Variants in ST6GALNAC3 observed in about 807,000 individuals in gnomAD.
ST6GALNAC3 encodes alpha-N-acetylgalactosaminide alpha-2,6-sialyltransferase 3.
In ST6GALNAC3, 25 loss-of-function variants were observed where a neutral mutation model predicts 32.7. The ratio of observed to expected loss-of-function variants is 0.76; its 90% CI spans 0.56 to 1.07. ST6GALNAC3 has a LOEUF of 1.07. Among genes scored for constraint, ST6GALNAC3 ranks in the 50% least tolerant of loss-of-function variants. The probability of loss-of-function intolerance (pLI) is 0.00; values close to 1 mark genes in which losing one functional copy is unlikely to be tolerated. For missense variants in ST6GALNAC3, 355 were observed against 382.4 expected, an observed-to-expected ratio of 0.93 and a Z score of 0.60; for synonymous variants, 129 against 133.1, an observed-to-expected ratio of 0.97 and a Z score of 0.21.
chr1:76,341,609 C>CTT (rs1647983857), intron 2 of ST6GALNAC3, among the ~76,000 whole-genome samples: 1 of 58,220 alleles, frequency 1.7e-5, no homozygotes, highest in Admixed American at 1.6e-4. Flanking sequence ...AACTGCTTTT[C>CTT]TTTCTTTCTT....
chr1:76,156,738 G>A (rs2100355272), intron 1 of ST6GALNAC3, among the ~76,000 whole-genome samples: 1 of 152,210 alleles, frequency 6.6e-6, no homozygotes, highest in African/African-American at 2.4e-5. Context: ...AAAAAGCCCT[G>A]GCCTTTTTTT....
chr1:76,611,173 C>T (rs1286794110), intron 3 of ST6GALNAC3, among the ~76,000 whole-genome samples: 1 of 151,998 alleles, frequency 6.6e-6, no homozygotes, highest in Non-Finnish European at 1.5e-5. Context: ...TTTTTAACCT[C>T]TCCTTATCCT....
At chr1:76,618,051 C>A (rs1648408148) in intron 3 of ST6GALNAC3, among the ~76,000 whole-genome samples, 1 of 152,160 alleles carries the variant, frequency 6.6e-6, no homozygotes, top group Admixed American at 6.6e-5. Context: ...ACTAAAAATA[C>A]AACTGCACAT....
At chr1:76,116,096 G>A (rs761976226) in intron 1 of ST6GALNAC3, among the ~76,000 whole-genome samples, 1 of 152,184 alleles carries the variant, frequency 6.6e-6, no homozygotes, top group Non-Finnish European at 1.5e-5. Flanking sequence ...TGTGGACAGA[G>A]TGTCCTGAGG....
intron 1 of ST6GALNAC3, among the ~76,000 whole-genome samples, chr1:76,240,009 A>G (rs75127256): frequency 0.015 from 2,267 of 152,276 alleles, 62 homozygotes; most frequent in African/African-American, 0.052. Flanking sequence ...GCCATTGATA[A>G]ATTAATTCTG....
chr1:76,362,683 T>C (rs1650060763), intron 2 of ST6GALNAC3, among the ~76,000 whole-genome samples: 1 of 152,244 alleles, frequency 6.6e-6, no homozygotes, highest in African/African-American at 2.4e-5. Context: ...AGGCAAGTCC[T>C]AAACCCAACA....
At chr1:76,216,146 T>C (rs566122248) in intron 1 of ST6GALNAC3, among the ~76,000 whole-genome samples, 47 of 152,288 alleles carry the variant, frequency 3.1e-4, no homozygotes, top group African/African-American at 1.1e-3. Flanking sequence ...TTGGTTGAAA[T>C]ACTTCACCTC....
At chr1:76,415,596 A>T (rs1428663119) in intron 3 of ST6GALNAC3, among the ~76,000 whole-genome samples, 1 of 152,090 alleles carries the variant, frequency 6.6e-6, no homozygotes, top group Non-Finnish European at 1.5e-5. Flanking sequence ...GAACCTCTTC[A>T]AATTGGCTTT....
At chr1:76,406,117 G>A (rs970418613) in intron 2 of ST6GALNAC3, among the ~76,000 whole-genome samples, 2 of 152,128 alleles carry the variant, frequency 1.3e-5, no homozygotes, top group African/African-American at 2.4e-5. Flanking sequence ...GACCCATCGT[G>A]TGAACATAGT....
chr1:76,480,765 T>C (rs1455982416), intron 3 of ST6GALNAC3, among the ~76,000 whole-genome samples: 1 of 152,144 alleles, frequency 6.6e-6, no homozygotes, highest in Non-Finnish European at 1.5e-5. Context: ...TAATAATAAG[T>C]AATCACTCTC....
At chr1:76,203,478 G>A (rs1654646024) in intron 1 of ST6GALNAC3, among the ~76,000 whole-genome samples, 1 of 152,126 alleles carries the variant, frequency 6.6e-6, no homozygotes, top group African/African-American at 2.4e-5. Flanking sequence ...TATAGACCCT[G>A]CTCTACAGAT....
intron 2 of ST6GALNAC3, among the ~76,000 whole-genome samples, chr1:76,387,052 C>T (rs747397814): frequency 6.6e-6 from 1 of 152,158 alleles, no homozygotes; most frequent in Non-Finnish European, 1.5e-5. Context: ...CTCTGCCTAA[C>T]TTAATGAAGA....
At chr1:76,186,528 C>T (rs528277327) in intron 1 of ST6GALNAC3, among the ~76,000 whole-genome samples, 26 of 152,170 alleles carry the variant, frequency 1.7e-4, no homozygotes, top group Non-Finnish European at 2.6e-4. Flanking sequence ...AGTGGGGTGT[C>T]CAAGCTTGGA....
chr1:76,359,989 A>T (rs1166440523), intron 2 of ST6GALNAC3, among the ~76,000 whole-genome samples: 1 of 152,166 alleles, frequency 6.6e-6, no homozygotes, highest in Non-Finnish European at 1.5e-5. Context: ...GTTAAGCTAC[A>T]CTTGGTTTTT....
At chr1:76,550,299 G>A (rs1318799097) in intron 3 of ST6GALNAC3, among the ~76,000 whole-genome samples, 2 of 152,012 alleles carry the variant, frequency 1.3e-5, no homozygotes, top group East Asian at 3.9e-4. Flanking sequence ...TTTACAGTTT[G>A]GCTTTCTACA....
At chr1:76,570,494 A>T (rs566471626) in intron 3 of ST6GALNAC3, among the ~76,000 whole-genome samples, 1 of 152,008 alleles carries the variant, frequency 6.6e-6, no homozygotes, top group Non-Finnish European at 1.5e-5. Context: ...TCTATTTACT[A>T]TGATAAAACT....
intron 1 of ST6GALNAC3, among the ~76,000 whole-genome samples, chr1:76,271,710 T>C (rs1476137419): frequency 6.6e-6 from 1 of 152,208 alleles, no homozygotes; most frequent in African/African-American, 2.4e-5. Context: ...ACTTTATTTA[T>C]GCTTTAGAAA....
intron 1 of ST6GALNAC3, among the ~76,000 whole-genome samples, chr1:76,219,532 G>A (rs1182685952): frequency 2.0e-5 from 3 of 152,164 alleles, no homozygotes; most frequent in Non-Finnish European, 4.4e-5. Context: ...GAGTCTGAGG[G>A]GGTCCTTGAG....
At chr1:76,112,690 C>T (rs1291765491) in intron 1 of ST6GALNAC3, among the ~76,000 whole-genome samples, 2 of 151,226 alleles carry the variant, frequency 1.3e-5, no homozygotes, top group African/African-American at 4.9e-5. Context: ...AGGGTCTCCT[C>T]ACTTCTCAGA....
Sources: gnomAD v4.1 joint callset for allele counts (sites outside exome capture counted in the v4.1 genomes callset) on GRCh38, gnomAD v4.1.1 for gene constraint, MANE v1.5 for transcripts, NCBI Gene and HGNC (gene_info 2026-07-23, HGNC 2026-07-21) for gene names.